DRD2: variants seen among roughly 807,000 people sequenced by gnomAD.
DRD2 encodes the protein D(2) dopamine receptor.
Under a neutral mutation model 38.0 loss-of-function variants are expected in DRD2, and 8 were observed. The observed-to-expected ratio is 0.21, with a 90% CI of 0.12 to 0.38. The LOEUF (loss-of-function observed/expected upper bound fraction) is 0.38, where lower values mean the gene tolerates loss of function less well. Ranked by LOEUF, DRD2 falls within the 10% of genes least tolerant of loss-of-function variation. The pLI is 1.00. For missense variants in DRD2, 403 were observed against 607.7 expected (o/e 0.66, Z 3.54); for synonymous variants, 230 against 238.6 (o/e 0.96, Z 0.33).
chr11:113,413,104 G>A (rs1325414484), intron 6 of DRD2, among the ~76,000 whole-genome samples: 1 of 152,216 alleles, frequency 6.6e-6, no homozygotes, highest in African/African-American at 2.4e-5. Flanking sequence ...TCCTCATGCA[G>A]CCTCAATACC....
chr11:113,472,320 G>A (rs560756768), intron 1 of DRD2, among the ~76,000 whole-genome samples: 4 of 152,124 alleles, frequency 2.6e-5, no homozygotes, highest in Non-Finnish European at 5.9e-5. Flanking sequence ...CCTTATACTT[G>A]TTTATTCAGA....
At chr11:113,414,611 G>A (rs1258756665) in intron 5 of DRD2, 150 bp from the exon 6 acceptor site, 4 of 771,052 alleles carry the variant, frequency 5.2e-6, no homozygotes, top group Admixed American at 4.1e-5. Context: ...TTGGGGCAAG[G>A]GGGAAGGCTG....
chr11:113,417,109 A>G, intron 3 of DRD2, 110 bp from the exon 4 acceptor site: 2 of 1,449,802 alleles, frequency 1.4e-6, no homozygotes, highest in Non-Finnish European at 9.3e-7. Context: ...CAGTTGACAC[A>G]CCTCTATGAA....
At chr11:113,425,466 G>T (rs1414333119) in intron 1 of DRD2, among the ~76,000 whole-genome samples, 2 of 152,214 alleles carry the variant, frequency 1.3e-5, no homozygotes, top group African/African-American at 4.8e-5. Context: ...GTCTGGGGAG[G>T]TTGCAATAGG....
intron 7 of DRD2, 84 bp from the exon 8 acceptor site, chr11:113,411,004 G>A (rs553087218): frequency 2.7e-5 from 39 of 1,450,994 alleles, no homozygotes; most frequent in African/African-American, 1.4e-4. Flanking sequence ...GCCCTGGCTC[G>A]TATGCCAAGA....
intron 1 of DRD2, among the ~76,000 whole-genome samples, chr11:113,436,693 A>C (rs1279644182): frequency 6.6e-6 from 1 of 152,226 alleles, no homozygotes; most frequent in Non-Finnish European, 1.5e-5. Context: ...AGATACATTG[A>C]GGTTCATGAC....
At chr11:113,440,720 A>C (rs373146090) in intron 1 of DRD2, among the ~76,000 whole-genome samples, 35 of 152,016 alleles carry the variant, frequency 2.3e-4, no homozygotes, top group African/African-American at 8.2e-4. Flanking sequence ...GAGATATTTT[A>C]CTCCAGAGAT....
At chr11:113,448,532 G>T (rs140562017) in intron 1 of DRD2, among the ~76,000 whole-genome samples, 1 of 152,348 alleles carries the variant, frequency 6.6e-6, no homozygotes, top group Non-Finnish European at 1.5e-5. Context: ...ATTGCAACGT[G>T]ATGCTCTCTT....
chr11:113,466,431 C>T (rs897278956), intron 1 of DRD2, among the ~76,000 whole-genome samples: 1 of 51,388 alleles, frequency 1.9e-5, no homozygotes, highest in South Asian at 1.0e-3. Flanking sequence ...ACAGCCCCCC[C>T]AGTGCATTTT....
At position 113,459,741 on chromosome 11, in the gene DRD2, G is replaced by A. The variant is rs574454394; in HGVS notation, c.-32+15335C>T. ...AATAGTATAGTACAGTGACTAATTAGCAATAACATATTGTATCATTAAAAA... is the reference window on the plus strand; with the variant it reads ...AATAGTATAGTACAGTGACTAATTAACAATAACATATTGTATCATTAAAAA... On this transcript the variant is annotated intron_variant, in intron 1 of 7. Coordinates refer to ENST00000362072, the MANE Select transcript of DRD2 (RefSeq NM_000795.4). Among the ~76,000 whole-genome samples the A allele has an allele frequency of 2.0e-5, 3 of 152,280 alleles. No homozygotes were observed. The South Asian group carries it at 6.2e-4, about 32-fold the overall frequency.
chr11:113,416,543 A>T (rs758672458), intron 4 of DRD2, among the ~76,000 whole-genome samples: 1 of 152,250 alleles, frequency 6.6e-6, no homozygotes, highest in Non-Finnish European at 1.5e-5. Flanking sequence ...ATATACACAC[A>T]TGCAGTTTGT....
In DRD2 at chr11:113,475,205, G is replaced by A. The variant is rs1951470384; in HGVS notation, c.-161C>T. On this transcript the variant is annotated 5_prime_UTR_variant, in exon 1 of 8. Transcript: ENST00000362072. ...CCGCCACTCTCCTCGGCCGGTCCCT[G>A]GCTCCCGGCCCCGCCGCGCCGTTCA... The A allele has an allele frequency of 1.3e-5, 2 of 150,874 alleles. No individual in the cohort carries two copies. The highest frequency in any genetic ancestry group is 4.1e-4 in the South Asian group (2 of 4,832). 9.3% of individuals were successfully genotyped at this position (150,874 alleles called of 1,614,324 possible).
rs1198719915 is a variant in DRD2, at chr11:113,453,924, C to T, written c.-32+21152G>A. Among the ~76,000 whole-genome samples, 2 of 152,024 alleles carry T rather than the reference C, an allele frequency of 1.3e-5. 1 individual carries two copies. The highest frequency in any genetic ancestry group is 2.9e-5 in the Non-Finnish European group (2 of 68,004). ...TCTTATTATCTAGGTTACCCAGAGT[C>T]CTTTTGATGGGGGGCTGGGGGGAGG... On this transcript the variant is annotated intron_variant, in intron 1 of 7. Transcript: ENST00000362072.
At chr11:113,466,424 G>GC (rs985743904) in intron 1 of DRD2, among the ~76,000 whole-genome samples, 6 of 60,180 alleles carry the variant, frequency 1.0e-4, no homozygotes, top group Non-Finnish European at 1.7e-4. Flanking sequence ...TTCCTCAACA[G>GC]CCCCCCCAGT....
At chr11:113,452,217 A>G (rs750558054) in intron 1 of DRD2, among the ~76,000 whole-genome samples, 1 of 152,174 alleles carries the variant, frequency 6.6e-6, no homozygotes, top group Admixed American at 6.5e-5. Flanking sequence ...AGAGCATGAC[A>G]ACCTCTCCAG....
intron 1 of DRD2, among the ~76,000 whole-genome samples, chr11:113,452,917 G>A (rs371637972): frequency 1.2e-4 from 18 of 151,988 alleles, no homozygotes; most frequent in South Asian, 6.3e-4. Flanking sequence ...CTCCCAAAGC[G>A]CTAGGATTTC....
chr11:113,447,638 G>A (rs1951165153), intron 1 of DRD2: 1 of 152,282 alleles, frequency 6.6e-6, no homozygotes, highest in African/African-American at 2.4e-5. Context: ...GAACTCTGGG[G>A]TGTGAGTGGT....
intron 1 of DRD2, among the ~76,000 whole-genome samples, chr11:113,469,140 T>A (rs1951397912): frequency 6.6e-6 from 1 of 151,824 alleles, no homozygotes; most frequent in South Asian, 2.1e-4. Flanking sequence ...TCCTCCCAGC[T>A]CCTCCCCCAG....
At chr11:113,430,341 G>A (rs1441106484) in intron 1 of DRD2, among the ~76,000 whole-genome samples, 1 of 152,082 alleles carries the variant, frequency 6.6e-6, no homozygotes, top group Non-Finnish European at 1.5e-5. Flanking sequence ...AGACAAAATC[G>A]AATGAAGATG....
Sources: gnomAD v4.1 joint callset for allele counts (sites outside exome capture counted in the v4.1 genomes callset) on GRCh38, gnomAD v4.1.1 for gene constraint, MANE v1.5 for transcripts, NCBI Gene and HGNC (gene_info 2026-07-23, HGNC 2026-07-21) for gene names.